CDH18: variants seen among roughly 807,000 people sequenced by gnomAD.
The protein encoded by CDH18 is cadherin-18.
In CDH18, 31 loss-of-function variants were observed where a neutral mutation model predicts 67.9. The observed-to-expected ratio is 0.46, with a 90% CI of 0.34 to 0.62. The LOEUF is 0.62. Among genes scored for constraint, CDH18 ranks in the 20% least tolerant of loss-of-function variants. CDH18 has a pLI of 0.01. For synonymous variants in CDH18, 362 were observed against 347.2 expected (o/e 1.04, Z -0.48); for missense variants, 890 against 975.5 (o/e 0.91, Z 1.17).
intron 1 of CDH18, among the ~76,000 whole-genome samples, chr5:20,414,403 G>A (rs1222424313): frequency 2.6e-5 from 4 of 152,076 alleles, no homozygotes; most frequent in Admixed American, 6.6e-5. Flanking sequence ...ACTTAAAAGC[G>A]GGACCTAAAC....
chr5:20,304,409 A>C, intron 1 of CDH18: 1 of 1,415,744 alleles, frequency 7.1e-7, no homozygotes, highest in Non-Finnish European at 1.0e-6. Flanking sequence ...TTCAGTAACT[A>C]CTACTTTGGG....
chr5:19,708,116 T>C (rs1416016872), intron 5 of CDH18, among the ~76,000 whole-genome samples: 1 of 152,116 alleles, frequency 6.6e-6, no homozygotes, highest in Non-Finnish European at 1.5e-5. Context: ...CTTAGTAAGA[T>C]CAAAATTTGG....
At chr5:19,496,851 T>C (rs1742428914) in intron 11 of CDH18, among the ~76,000 whole-genome samples, 1 of 150,934 alleles carries the variant, frequency 6.6e-6, no homozygotes, top group South Asian at 2.1e-4. Context: ...GAGTGAGATT[T>C]TTTTCTCTTC....
intron 1 of CDH18, among the ~76,000 whole-genome samples, chr5:20,405,315 T>C (rs1396409967): frequency 3.3e-5 from 5 of 152,074 alleles, no homozygotes; most frequent in Non-Finnish European, 7.3e-5. Flanking sequence ...TTGACAAACC[T>C]GACAAAAACA....
chr5:20,187,614 C>T (rs904205520), intron 2 of CDH18, among the ~76,000 whole-genome samples: 61 of 151,854 alleles, frequency 4.0e-4, no homozygotes, highest in African/African-American at 1.4e-3. Context: ...TAAAGCGATA[C>T]AAGAAGCATT....
At chr5:20,092,964 AT>A (rs1432797404) in intron 2 of CDH18, among the ~76,000 whole-genome samples, 78 of 152,280 alleles carry the variant, frequency 5.1e-4, no homozygotes, top group Non-Finnish European at 9.1e-4. Context: ...ATTATTTCAA[AT>A]TTGCTTTCTT....
chr5:20,084,448 T>C (rs561638794), intron 2 of CDH18, among the ~76,000 whole-genome samples: 72 of 152,264 alleles, frequency 4.7e-4, no homozygotes, highest in African/African-American at 1.7e-3. Context: ...TTTCCAGGCA[T>C]ACAGTGCAAG....
intron 2 of CDH18, among the ~76,000 whole-genome samples, chr5:20,091,038 AGAAC>A (rs1745373656): frequency 1.3e-5 from 2 of 151,674 alleles, no homozygotes; most frequent in African/African-American, 2.4e-5. Context: ...TGACAGAATG[AGAAC>A]CTGTCTCCAA....
At chr5:19,858,068 GC>G (rs1784494841) in intron 2 of CDH18, among the ~76,000 whole-genome samples, 1 of 152,052 alleles carries the variant, frequency 6.6e-6, no homozygotes. Context: ...CTTATTCATT[GC>G]CGATATATGA....
chr5:20,195,985 T>C (rs906058605), intron 2 of CDH18, among the ~76,000 whole-genome samples: 2 of 152,142 alleles, frequency 1.3e-5, no homozygotes, highest in African/African-American at 4.8e-5. Context: ...TAAAACCTTC[T>C]ACAATACCTG....
At chr5:20,202,403 AT>A (rs1739519906) in intron 2 of CDH18, among the ~76,000 whole-genome samples, 1 of 151,972 alleles carries the variant, frequency 6.6e-6, no homozygotes, top group Admixed American at 6.6e-5. Flanking sequence ...AAGAATGAAA[AT>A]TTTTCCCCTC....
intron 11 of CDH18, among the ~76,000 whole-genome samples, chr5:19,491,175 TA>T (rs1741406928): frequency 6.6e-6 from 1 of 152,192 alleles, no homozygotes; most frequent in African/African-American, 2.4e-5. Flanking sequence ...CACTGTAGAA[TA>T]AAATCCATGT....
intron 1 of CDH18, among the ~76,000 whole-genome samples, chr5:20,451,460 T>C (rs1483800279): frequency 6.6e-6 from 1 of 152,122 alleles, no homozygotes; most frequent in African/African-American, 2.4e-5. Context: ...AATTTACCAA[T>C]TTGAAGTAAG....
At chr5:20,280,521 T>G (rs555844425) in intron 1 of CDH18, among the ~76,000 whole-genome samples, 12 of 152,308 alleles carry the variant, frequency 7.9e-5, no homozygotes, top group South Asian at 4.1e-4. Flanking sequence ...TCCATGTCCC[T>G]ACAAAGGACA....
chr5:20,309,211 T>A (rs770063833), intron 1 of CDH18, among the ~76,000 whole-genome samples: 8 of 152,234 alleles, frequency 5.3e-5, no homozygotes, highest in African/African-American at 1.9e-4. Flanking sequence ...TGTTTCACTC[T>A]TGAGGGAGGA....
At chr5:20,178,436 A>G (rs1408782105) in intron 2 of CDH18, among the ~76,000 whole-genome samples, 1 of 151,692 alleles carries the variant, frequency 6.6e-6, no homozygotes, top group Non-Finnish European at 1.5e-5. Context: ...ATTTTCAACA[A>G]TATTTTCCTT....
At chr5:19,962,166 C>T (rs1417785401) in intron 2 of CDH18, among the ~76,000 whole-genome samples, 1 of 151,696 alleles carries the variant, frequency 6.6e-6, no homozygotes, top group Non-Finnish European at 1.5e-5. Flanking sequence ...GTCTTCTCCA[C>T]TGTTTGATAA....
At chr5:20,004,053 C>T (rs181043594) in intron 2 of CDH18, among the ~76,000 whole-genome samples, 3 of 152,226 alleles carry the variant, frequency 2.0e-5, no homozygotes, top group East Asian at 3.9e-4. Flanking sequence ...TACAGTGATA[C>T]GTGTGCTCTT....
At chr5:20,230,639 TTCA>T (rs59175546) in intron 2 of CDH18, among the ~76,000 whole-genome samples, 2 of 150,970 alleles carry the variant, frequency 1.3e-5, no homozygotes, top group Admixed American at 6.6e-5. Context: ...AGTATAGACT[TTCA>T]TCATCATCAT....
Sources: gnomAD v4.1 joint callset for allele counts (sites outside exome capture counted in the v4.1 genomes callset) on GRCh38, gnomAD v4.1.1 for gene constraint, MANE v1.5 for transcripts, NCBI Gene and HGNC (gene_info 2026-07-23, HGNC 2026-07-21) for gene names.